WNK4: variants seen among roughly 807,000 people sequenced by gnomAD.
WNK4 encodes the protein WNK lysine deficient protein kinase 4.
A neutral mutation model predicts 116.2 loss-of-function variants in WNK4; 94 were observed. The observed-to-expected ratio is 0.81, with a 90% CI of 0.68 to 0.96. The LOEUF is 0.96. WNK4 is among the 40% of genes least tolerant of loss of function. WNK4 has a pLI of 0.00. For synonymous variants in WNK4, 655 were observed against 672.7 expected (o/e 0.97, Z 0.41); for missense variants, 1,542 against 1,650.6 (o/e 0.93, Z 1.14).
rs1263505190 is a variant in WNK4 at position 42,785,865 on chromosome 17, G to A, written c.1476+383G>A. Among the ~76,000 whole-genome samples, 3 of 151,786 alleles carry A rather than the reference G, an allele frequency of 2.0e-5. No homozygotes were observed. The East Asian group carries it at 5.8e-4, about 29-fold the overall frequency. Reference sequence around the variant, plus strand: ...GTCCCCTTTGGAGTCAAACTTAAATGCTTCTTTCCACTTCAGCATGTTCTC... The same window carrying A: ...GTCCCCTTTGGAGTCAAACTTAAATACTTCTTTCCACTTCAGCATGTTCTC... On this transcript the variant is annotated intron_variant, in intron 6 of 18. Transcript: ENST00000246914.
chr17:42,782,952 G>A lies in WNK4; in HGVS notation c.791+22G>A, dbSNP rs775291399. 6.2e-6 allele frequency: 10 copies of A among 1,612,792 alleles called. No homozygotes were observed. Among genetic ancestry groups the A allele is most frequent in the African/African-American group, 1.3e-5 (1 of 75,042 alleles). ...AGACGTGAGCTCTGCGCATGAGTGGGTGGGGAGAGGGAGGCTGGGATGTGT... is the reference window on the plus strand; with the variant it reads ...AGACGTGAGCTCTGCGCATGAGTGGATGGGGAGAGGGAGGCTGGGATGTGT... On this transcript the variant is annotated intron_variant, in intron 2 of 18. Coordinates refer to ENST00000246914, the MANE Select transcript of WNK4 (RefSeq NM_032387.5). The surrounding 1 kb of genome is among the most constrained non-coding windows in gnomAD (Gnocchi z 4.2).
chr17:42,783,524 C>CT (rs1212280596), intron 2 of WNK4: 3 of 306,246 alleles, frequency 9.8e-6, no homozygotes, highest in African/African-American at 2.2e-5. Flanking sequence ...TTGTCACTGG[C>CT]TTTTTCTGTG....
chr17:42,791,123 G>A (rs867571421), intron 11 of WNK4, among the ~76,000 whole-genome samples: 1 of 152,072 alleles, frequency 6.6e-6, no homozygotes, highest in Non-Finnish European at 1.5e-5. Flanking sequence ...CACAGCCAAA[G>A]TGACCCCACC....
intron 7 of WNK4, 63 bp from the exon 8 acceptor site, chr17:42,787,715 C>T: frequency 6.2e-7 from 1 of 1,604,022 alleles, no homozygotes; most frequent in Non-Finnish European, 8.5e-7. Flanking sequence ...TTAGGCAGGC[C>T]CCATCCTCTG....
chr17:42,796,725 G>A lies in WNK4; in HGVS notation c.*37G>A, dbSNP rs748505268. ...AAGCCATGTATCTCCCCCACACCAG[G>A]GCCCACCATGGAGCTTGTGTTCTCA... On this transcript the variant is annotated 3_prime_UTR_variant, in exon 19 of 19. Transcript: ENST00000246914. 6.2e-7 allele frequency: 1 copy of A among 1,614,030 alleles called. No homozygotes were observed.
In WNK4 at chr17:42,781,050, G is replaced by A. The variant is rs1215518541; in HGVS notation, c.352G>A (p.Ala118Thr). ...GTGGACCGAGGGAGCCCCTGTGAAGGCTGCGGAAGACTCCGCGCGTCCCGA... is the reference window on the plus strand; with the variant it reads ...GTGGACCGAGGGAGCCCCTGTGAAGACTGCGGAAGACTCCGCGCGTCCCGA... ...GTWTEGAPVK[A>T]AEDSARPELP... Residue 118 changes from alanine (A) to threonine (T), a missense_variant, in exon 1 of 19, where the codon GCT becomes ACT. Physicochemically the swap from Ala to Thr is moderately conservative, Grantham distance 58. Coordinates refer to ENST00000246914, the MANE Select transcript of WNK4 (RefSeq NM_032387.5). 1 of 1,611,450 alleles carries A rather than the reference G, an allele frequency of 6.2e-7. No homozygotes were observed. Among genetic ancestry groups the A allele is most frequent in the Admixed American group, 1.7e-5 (1 of 59,848 alleles).
Position 42,782,101 on chromosome 17 carries a change from A to AG in WNK4, c.619-654dup, listed in dbSNP as rs1343655628. ...AGATCAGGGGACAGAGCCTAGGGGA[A>AG]GGGTCCCTCTCCAGCCCTGGCACAG... On this transcript the variant is annotated intron_variant, in intron 1 of 18. Coordinates refer to ENST00000246914, the MANE Select transcript of WNK4 (RefSeq NM_032387.5). This position sits in a 1 kb window ranked among gnomAD's most constrained non-coding sequence, Gnocchi z 4.2. Among the ~76,000 whole-genome samples the AG allele has an allele frequency of 1.3e-5, 2 of 152,144 alleles. No individual in the cohort carries two copies. The highest frequency in any genetic ancestry group is 2.9e-5 in the Non-Finnish European group (2 of 68,020).
intron 11 of WNK4, 97 bp downstream of exon 11, chr17:42,788,894 A>G: frequency 1.0e-6 from 1 of 992,466 alleles, no homozygotes; most frequent in Non-Finnish European, 1.6e-6. Context: ...TCCGACAGCA[A>G]GCATTTTTAA....
chr17:42,785,232 C>G (rs1360480233), intron 5 of WNK4, 34 bp from the exon 6 acceptor site: 1 of 1,606,170 alleles, frequency 6.2e-7, no homozygotes, highest in East Asian at 2.2e-5. Context: ...CCGCGGGCCG[C>G]GGCGGGCTCG....
At chr17:42,791,505 G>A (rs1337533749) in intron 11 of WNK4, among the ~76,000 whole-genome samples, 2 of 152,134 alleles carry the variant, frequency 1.3e-5, no homozygotes, top group Non-Finnish European at 1.5e-5. Flanking sequence ...TGGGCGTGGT[G>A]GCGCATGCCT....
rs1218077406 is a variant in WNK4, at chr17:42,795,788, C to T, written c.3186C>T (p.Gly1062=). 6 of 1,613,830 alleles carry T rather than the reference C, an allele frequency of 3.7e-6. No homozygotes were observed. Among genetic ancestry groups the T allele is most frequent in the Admixed American group, 1.7e-5 (1 of 60,022 alleles). ...CAGATACAGAGGACAGTGCTGGAGG[C>T]GGGCCAGAGACCAGGGAAGCTCTGG... The part of the protein sequence containing the change: ...ESSDTEDSAG[G]GPETREALAE... Residue 1062 remains glycine (G), a synonymous_variant, in exon 16 of 19, where the codon GGC becomes GGT. Transcript: ENST00000246914.
At position 42,796,890 on chromosome 17, in the gene WNK4, T is replaced by G; in HGVS notation, c.*202T>G. ...ATGTGAACTGTTTGCTGTGTGGAGG[T>G]GTTAGTTCTGCTGCCTACCATCTTC... On this transcript the variant is annotated 3_prime_UTR_variant, in exon 19 of 19. Transcript: ENST00000246914. The G allele has an allele frequency of 9.9e-7, 1 of 1,014,540 alleles. No homozygotes were observed. The highest frequency in any genetic ancestry group is 1.4e-6 in the Non-Finnish European group (1 of 702,364). 62.8% of individuals were successfully genotyped at this position (1,014,540 alleles called of 1,614,324 possible). A position where few individuals can be genotyped will look rare whatever the true frequency, so the allele number is the denominator to read the frequency against.
At position 42,794,956 on chromosome 17, in the gene WNK4, C is replaced by T. The variant is rs541874705; in HGVS notation, c.2535C>T (p.Pro845=). The T allele has an allele frequency of 1.9e-6, 3 of 1,612,900 alleles. No homozygotes were observed. In the African/African-American group the frequency reaches 4.0e-5, roughly 22 times the overall value. Residue 845 remains proline, a synonymous_variant, in exon 14 of 19, where the codon CCC becomes CCT. Coordinates refer to ENST00000246914, the MANE Select transcript of WNK4 (RefSeq NM_032387.5). ...ATCCCAGCCCCTCCCCATTCTCCCC[C>T]ATTTCTTCCCAGGTCTCCTCAAATC... ...PCHPSPSPFS[P]ISSQVSSNPS... is the part of the protein sequence containing the mutation.
chr17:42,787,551 C>A lies in WNK4; in HGVS notation c.1741+9C>A. On this transcript the variant is annotated intron_variant, in intron 7 of 18. Coordinates refer to ENST00000246914, the MANE Select transcript of WNK4 (RefSeq NM_032387.5). ...CTACTCATCTACCACTTGTAAGTCA[C>A]CCCTGATCTTGAGACGTAGGTCCCA... is the stretch of plus-strand genomic sequence containing the variant. 1 of 1,613,178 alleles carries A rather than the reference C, an allele frequency of 6.2e-7. No individual in the cohort carries two copies. The highest frequency in any genetic ancestry group is 1.6e-4 in the Middle Eastern group (1 of 6,062).
At position 42,787,258 on chromosome 17, in the gene WNK4, A is replaced by T. The variant is rs1295551488; in HGVS notation, c.1477-20A>T. The T allele has an allele frequency of 1.2e-6, 2 of 1,613,314 alleles. No homozygotes were observed. Among genetic ancestry groups the T allele is most frequent in the Admixed American group, 1.7e-5 (1 of 60,002 alleles). ...TAGGGGGTCCCAAGCTGTGTTCCTC[A>T]TCCCCCACCCCAATTCCAGGTGGCT... On this transcript the variant is annotated intron_variant, in intron 6 of 18. Coordinates refer to ENST00000246914, the MANE Select transcript of WNK4 (RefSeq NM_032387.5).
At chr17:42,796,374 C>G in intron 17 of WNK4, 52 bp downstream of exon 17, 1 of 1,610,682 alleles carries the variant, frequency 6.2e-7, no homozygotes, top group Non-Finnish European at 8.5e-7. Context: ...CCCTTTCTGT[C>G]GACTGTTTTT....
intron 9 of WNK4, 22 bp downstream of exon 9, chr17:42,788,210 G>A (rs1263428026): frequency 9.3e-6 from 15 of 1,614,048 alleles, no homozygotes. Flanking sequence ...TACAAGTTGG[G>A]GTGCCAGGGT....
At chr17:42,794,146 G>T (rs2054636481) in intron 12 of WNK4, 2 of 322,364 alleles carry the variant, frequency 6.2e-6, no homozygotes, top group South Asian at 2.8e-5. Context: ...GAGCCACCGT[G>T]CCTGGCCTAA....
In WNK4 at chr17:42,793,628, G is replaced by A. The variant is rs1190900978; in HGVS notation, c.2194G>A (p.Gly732Arg). The A allele has an allele frequency of 6.2e-7, 1 of 1,613,982 alleles. No individual in the cohort carries two copies. Among genetic ancestry groups the A allele is most frequent in the African/African-American group, 1.3e-5 (1 of 74,904 alleles). Residue 732 changes from glycine to arginine, a missense_variant, in exon 12 of 19, where the codon GGA becomes AGA. Physicochemically the swap from Gly to Arg is moderately radical, Grantham distance 125 (BLOSUM62 -2). Coordinates refer to ENST00000246914, the MANE Select transcript of WNK4 (RefSeq NM_032387.5). ...NEFILPSERD[G>R]FLRRIREIIQ... ...GTTCATTCTGCCTTCGGAGCGAGAT[G>A]GATTTCTCAGACGGATTCGGGAGAT...
Sources: gnomAD v4.1 joint callset for allele counts (sites outside exome capture counted in the v4.1 genomes callset) on GRCh38, gnomAD v4.1.1 for gene constraint, Gnocchi (gnomAD v3.1) non-coding constraint, MANE v1.5 for transcripts, NCBI Gene and HGNC (gene_info 2026-07-23, HGNC 2026-07-21) for gene names.